The following TNC variants were observed in gnomAD, a reference collection of about 807,000 sequenced individuals.
The protein encoded by TNC is tenascin C, also known as tenascin.
TNC carries 109 observed loss-of-function variants against 202.4 expected under a neutral mutation model. The ratio of observed to expected loss-of-function variants is 0.54; its 90% CI spans 0.46 to 0.63. The LOEUF (loss-of-function observed/expected upper bound fraction) is 0.63. Ranked by LOEUF, TNC falls within the 30% of genes least tolerant of loss-of-function variation. The probability of loss-of-function intolerance (pLI) is 0.00; values close to 1 mark genes in which losing one functional copy is unlikely to be tolerated. For missense variants in TNC, 2,756 were observed against 2,833.3 expected (o/e 0.97, Z 0.62); for synonymous variants, 1,007 against 1,089.7 (o/e 0.92, Z 1.50).
intron 1 of TNC, among the ~76,000 whole-genome samples, chr9:115,106,007 G>A (rs568520210): frequency 8.5e-5 from 13 of 152,240 alleles, no homozygotes; most frequent in Admixed American, 2.6e-4. Flanking sequence ...AACTGATAGA[G>A]AACAAATCCT....
At chr9:115,070,397 C>G (rs1833375279) in intron 10 of TNC, among the ~76,000 whole-genome samples, 1 of 152,182 alleles carries the variant, frequency 6.6e-6, no homozygotes, top group Non-Finnish European at 1.5e-5. Context: ...GCTTAAGGAA[C>G]AGTGTGAAGG....
At chr9:115,065,768 G>C (rs1193839815) in intron 10 of TNC, among the ~76,000 whole-genome samples, 1 of 152,016 alleles carries the variant, frequency 6.6e-6, no homozygotes, top group Non-Finnish European at 1.5e-5. Flanking sequence ...TGGGTGTGGT[G>C]GCGTGAGCCT....
In TNC at chr9:115,078,084, C is replaced by T. The variant is rs781275069; in HGVS notation, c.2533G>A (p.Asp845Asn). 6.2e-7 allele frequency: 1 copy of T among 1,614,146 alleles called. No individual in the cohort carries two copies. Among genetic ancestry groups the T allele is most frequent in the Non-Finnish European group, 8.5e-7 (1 of 1,180,020 alleles). Residue 845 changes from aspartate (D) to asparagine (N), a missense_variant, in exon 7 of 28, where the codon GAC (aspartate) becomes AAC (asparagine). Coordinates refer to ENST00000350763, the MANE Select transcript of TNC (RefSeq NM_002160.4). ...LTYGIKDVPGDRTTIDLTEDE... is the reference protein window; with the variant it reads ...LTYGIKDVPGNRTTIDLTEDE... ...TCTGTGAGATCGATGGTGGTACGGT[C>T]TCCTGGCACGTCTTTGATGCCGTAG... is the stretch of plus-strand genomic sequence containing the variant.
Position 115,063,050 on chromosome 9 carries a change from G to T in TNC, c.3900C>A (p.His1300Gln). ...GCAGGCTGCCAGGAACCGTGAGATT[G>T]TGAGCCTCTTCCACCTGGTCAGCCT... Reference protein sequence around the residue: ...VQEADQVEEAHNLTVPGSLRS... With the variant: ...VQEADQVEEAQNLTVPGSLRS... The change falls in exon 13 of 28, where the codon CAC becomes CAA. Residue 1300 changes from histidine (H) to glutamine (Q), a missense_variant. This residue lies in a region of TNC where 2,559 missense variants were observed against 2,546.0 expected (regional missense o/e 1.01). Coordinates refer to ENST00000350763, the MANE Select transcript of TNC (RefSeq NM_002160.4). 6.2e-7 allele frequency: 1 copy of T among 1,614,146 alleles called. No individual in the cohort carries two copies. The highest frequency in any genetic ancestry group is 8.5e-7 in the Non-Finnish European group (1 of 1,180,034).
At chr9:115,073,290 C>T (rs1240073483) in intron 10 of TNC, among the ~76,000 whole-genome samples, 1 of 152,164 alleles carries the variant, frequency 6.6e-6, no homozygotes, top group Admixed American at 6.5e-5. Context: ...TGAAAAGATG[C>T]TGTGATGCAC....
chr9:115,059,452 T>G (rs961960512), intron 14 of TNC, among the ~76,000 whole-genome samples: 3 of 152,090 alleles, frequency 2.0e-5, no homozygotes, highest in Non-Finnish European at 2.9e-5. Context: ...GAAACAAAAA[T>G]TCATCATTCA....
intron 1 of TNC, chr9:115,112,630 T>C (rs1837164335): frequency 1.3e-5 from 2 of 152,276 alleles, no homozygotes; most frequent in Admixed American, 1.3e-4. Context: ...AAAGCATTCC[T>C]CTGCAATATC....
intron 27 of TNC, among the ~76,000 whole-genome samples, chr9:115,023,037 C>CA (rs112725157): frequency 0.47 from 57,932 of 121,992 alleles, 11,879 homozygotes; most frequent in Non-Finnish European, 0.5. Context: ...TGCAAATATG[C>CA]AAAAAAAAAA....
rs183507166 is a variant in TNC at position 115,095,399 on chromosome 9, C to T, written c.-136-4245G>A. 1.5e-3 allele frequency among the ~76,000 whole-genome samples: 220 copies of T among 149,566 alleles called. 2 individuals carry two copies. Among genetic ancestry groups the T allele is most frequent in the African/African-American group, 3.4e-3 (140 of 40,644 alleles). Reference sequence around the variant, plus strand: ...CAAGAGTTCTACAGCAAAGTGAGAACTTTTCCTCTCTCAGTGATCCCAGAA... The same window carrying T: ...CAAGAGTTCTACAGCAAAGTGAGAATTTTTCCTCTCTCAGTGATCCCAGAA... On this transcript the variant is annotated intron_variant, in intron 1 of 27. Transcript: ENST00000350763.
chr9:115,094,815 C>CTGTGTGTG (rs1835496380), intron 1 of TNC, among the ~76,000 whole-genome samples: 2 of 125,230 alleles, frequency 1.6e-5, no homozygotes, highest in African/African-American at 3.1e-5. Flanking sequence ...GAACAAGTGC[C>CTGTGTGTG]TCTGTGTGTG....
chr9:115,066,073 T>G (rs1564462437), intron 10 of TNC, among the ~76,000 whole-genome samples: 1 of 152,140 alleles, frequency 6.6e-6, no homozygotes, highest in African/African-American at 2.4e-5. Flanking sequence ...TTATTAAGGC[T>G]GAGCTAAGGA....
chr9:115,054,783 A>C (rs1831977161), intron 15 of TNC, among the ~76,000 whole-genome samples: 1 of 152,236 alleles, frequency 6.6e-6, no homozygotes, highest in African/African-American at 2.4e-5. Flanking sequence ...TTCAAAATTT[A>C]ATGCTCTGAA....
chr9:115,082,008 A>C, intron 5 of TNC, 80 bp from the exon 6 acceptor site: 1 of 1,344,790 alleles, frequency 7.4e-7, no homozygotes, highest in Admixed American at 2.4e-5. Context: ...CTCTGCATTC[A>C]TTCATTCCTC....
intron 15 of TNC, among the ~76,000 whole-genome samples, chr9:115,050,418 A>T (rs1377624842): frequency 2.0e-5 from 3 of 151,898 alleles, no homozygotes; most frequent in Non-Finnish European, 4.4e-5. Context: ...GCCTGATGGG[A>T]TCTGTGGCCA....
chr9:115,070,204 G>T (rs1476837047), intron 10 of TNC, among the ~76,000 whole-genome samples: 1 of 152,192 alleles, frequency 6.6e-6, no homozygotes, highest in East Asian at 1.9e-4. Flanking sequence ...GCAGCTTGAA[G>T]GGGTAGATCA....
At chr9:115,084,158 T>G in intron 4 of TNC, 51 bp downstream of exon 4, 1 of 1,588,862 alleles carries the variant, frequency 6.3e-7, no homozygotes, top group Non-Finnish European at 8.6e-7. Flanking sequence ...GGTTATACAC[T>G]GGGTGGGCTG....
At chr9:115,044,343 C>T (rs1831008689) in intron 17 of TNC, among the ~76,000 whole-genome samples, 1 of 151,416 alleles carries the variant, frequency 6.6e-6, no homozygotes, top group South Asian at 2.1e-4. Context: ...CTCAAGAGCC[C>T]CCTTTCCTGT....
In TNC at chr9:115,046,476, C is replaced by T; in HGVS notation, c.5059G>A (p.Glu1687Lys). 10 of 1,614,146 alleles carry T rather than the reference C, an allele frequency of 6.2e-6. No homozygotes were observed. Among genetic ancestry groups the T allele is most frequent in the Non-Finnish European group, 8.5e-6 (10 of 1,179,982 alleles). ...ITGLREATEY[E>K]IELYGISKGR... ...TTGCTTATTCCATAGAGTTCAATTT[C>T]GTATTCAGTAGCCTCTCTGAGACCT... Residue 1687 changes from glutamate (E) to lysine (K), a missense_variant, in exon 17 of 28, where the codon GAA (glutamate) becomes AAA (lysine). By Grantham distance (56) the Glu-to-Lys change is moderately conservative (BLOSUM62 1). This residue lies in a region of TNC where 2,559 missense variants were observed against 2,546.0 expected (regional missense o/e 1.01). Coordinates refer to ENST00000350763, the MANE Select transcript of TNC (RefSeq NM_002160.4).
intron 1 of TNC, among the ~76,000 whole-genome samples, chr9:115,102,866 A>G (rs1836339596): frequency 6.6e-6 from 1 of 152,234 alleles, no homozygotes; most frequent in Non-Finnish European, 1.5e-5. Flanking sequence ...TTTATATTAA[A>G]TGAAATGAAG....
Sources: gnomAD v4.1 joint callset for allele counts (sites outside exome capture counted in the v4.1 genomes callset) on GRCh38, gnomAD v4.1.1 for gene constraint, gnomAD v4.1.1 regional missense constraint, MANE v1.5 for transcripts, NCBI Gene and HGNC (gene_info 2026-07-23, HGNC 2026-07-21) for gene names.